SENP7: variants seen among roughly 807,000 people sequenced by gnomAD.
SENP7 encodes the protein sentrin-specific protease 7.
Under a neutral mutation model 141.2 loss-of-function variants are expected in SENP7, and 64 were observed. The observed-to-expected ratio is 0.45, with a 90% CI of 0.37 to 0.56. The LOEUF (loss-of-function observed/expected upper bound fraction) is 0.56. Among genes scored for constraint, SENP7 ranks in the 20% least tolerant of loss-of-function variants. The pLI is 0.00. For synonymous variants in SENP7, 382 were observed against 426.4 expected (o/e 0.90, Z 1.28); for missense variants, 1,025 against 1,212.2 (o/e 0.85, Z 2.29).
intron 3 of SENP7, among the ~76,000 whole-genome samples, chr3:101,462,418 A>G (rs111826021): frequency 0.073 from 11,055 of 151,848 alleles, 563 homozygotes; most frequent in Non-Finnish European, 0.11. Flanking sequence ...GCACATGCCT[A>G]TAATCCCAGC....
intron 11 of SENP7, 148 bp downstream of exon 11, chr3:101,361,567 A>T: frequency 1.3e-6 from 1 of 749,510 alleles, no homozygotes; most frequent in Non-Finnish European, 1.9e-6. Context: ...ATTTCAAATT[A>T]GGTATAATGA....
exon 1 of SENP7, chr3:101,513,208 GAAAGGAAAAAAAAA>G: frequency 5.7e-5 from 15 of 261,564 alleles, no homozygotes; most frequent in South Asian, 1.3e-4. Context: ...AGGGGGAGGG[GAAAGGAAAAAAAAA>G]AAAAAAAAAA....
intron 3 of SENP7, among the ~76,000 whole-genome samples, chr3:101,470,264 C>T (rs553335514): frequency 1.9e-4 from 29 of 151,738 alleles, no homozygotes; most frequent in African/African-American, 5.1e-4. Context: ...CAAGGAGATT[C>T]GGCAAACCGA....
At chr3:101,355,697 CT>C (rs954477040) in intron 11 of SENP7, among the ~76,000 whole-genome samples, 9 of 151,776 alleles carry the variant, frequency 5.9e-5, no homozygotes, top group East Asian at 1.9e-4. Context: ...AATCAGGCCT[CT>C]TTTTTTTGGC....
chr3:101,364,944 C>G lies in SENP7; in HGVS notation c.1366G>C (p.Glu456Gln), dbSNP rs2059996757. 6.3e-7 allele frequency: 1 copy of G among 1,590,042 alleles called. No individual in the cohort carries two copies. ...EEGPVEHKSSEILKLQSKQDR... is the reference protein window; with the variant it reads ...EEGPVEHKSSQILKLQSKQDR... ...TGCTTAGATTGTAACTTAAGAATTTCTGAACTTTTATGTTCAACAGGTCCT... is the reference window on the plus strand; with the variant it reads ...TGCTTAGATTGTAACTTAAGAATTTGTGAACTTTTATGTTCAACAGGTCCT... The change falls in exon 10 of 24, where the codon GAA becomes CAA. Residue 456 changes from glutamate to glutamine, a missense_variant. Coordinates refer to ENST00000394095, the MANE Select transcript of SENP7 (RefSeq NM_020654.5).
intron 3 of SENP7, 23 bp from the exon 4 acceptor site, chr3:101,459,075 TTAA>T (rs757805566): frequency 1.4e-6 from 2 of 1,380,658 alleles, no homozygotes; most frequent in South Asian, 2.5e-5. Context: ...AAATGAAATT[TTAA>T]TAATAAACAT....
At chr3:101,400,263 G>A (rs575577033) in intron 5 of SENP7, among the ~76,000 whole-genome samples, 2 of 152,232 alleles carry the variant, frequency 1.3e-5, no homozygotes, top group South Asian at 4.1e-4. Context: ...TATGCCACTA[G>A]CAATACTTTA....
chr3:101,332,877 G>A lies in SENP7; in HGVS notation c.2481-15C>T. ...TCTGTGCCATTCTGAGAGTATGAAA[G>A]ACAGATTTGATATATAAAAATTTTT... On this transcript the variant is annotated splice_polypyrimidine_tract_variant and intron_variant, in intron 17 of 23. Transcript: ENST00000394095. The A allele has an allele frequency of 6.4e-7, 1 of 1,569,230 alleles. No individual in the cohort carries two copies. The highest frequency in any genetic ancestry group is 8.6e-7 in the Non-Finnish European group (1 of 1,165,026).
intron 4 of SENP7, among the ~76,000 whole-genome samples, chr3:101,425,628 C>A (rs1229858569): frequency 6.6e-6 from 1 of 152,162 alleles, no homozygotes; most frequent in African/African-American, 2.4e-5. Flanking sequence ...AAGAACCGAA[C>A]CATCTCTCCA....
intron 3 of SENP7, among the ~76,000 whole-genome samples, chr3:101,462,186 A>G (rs896933485): frequency 6.6e-6 from 1 of 152,210 alleles, no homozygotes; most frequent in Admixed American, 6.5e-5. Context: ...TTTGTGTTGT[A>G]TGTATTTTGT....
chr3:101,326,991 A>G (rs1166976844), intron 23 of SENP7, among the ~76,000 whole-genome samples: 3 of 151,580 alleles, frequency 2.0e-5, no homozygotes, highest in African/African-American at 7.3e-5. Flanking sequence ...CTAATTTCAG[A>G]TATGTCATTA....
chr3:101,433,189 G>T (rs925616946), intron 4 of SENP7, among the ~76,000 whole-genome samples: 1 of 151,562 alleles, frequency 6.6e-6, no homozygotes, highest in Admixed American at 6.6e-5. Flanking sequence ...GTTGTTATCG[G>T]GTTAACATAA....
At chr3:101,348,088 T>A in intron 12 of SENP7, 37 bp from the exon 13 acceptor site, 1 of 1,457,914 alleles carries the variant, frequency 6.9e-7, no homozygotes, top group Non-Finnish European at 9.3e-7. Flanking sequence ...AAAAAATTAA[T>A]CCATTTAAGA....
chr3:101,446,941 TA>T (rs548680041), intron 4 of SENP7, among the ~76,000 whole-genome samples: 2 of 150,504 alleles, frequency 1.3e-5, no homozygotes, highest in Non-Finnish European at 3.0e-5. Flanking sequence ...AATGAAGACT[TA>T]AAAAAAATCA....
intron 1 of SENP7, among the ~76,000 whole-genome samples, chr3:101,503,910 C>T (rs1252222542): frequency 6.6e-6 from 1 of 151,548 alleles, no homozygotes. Context: ...GGCACCACTG[C>T]ACTCCAGCCT....
intron 17 of SENP7, 102 bp downstream of exon 17, chr3:101,337,407 A>G: frequency 2.7e-6 from 2 of 754,644 alleles, no homozygotes; most frequent in Non-Finnish European, 4.1e-6. Flanking sequence ...AAATGGTAGT[A>G]CTGCCTACTT....
intron 3 of SENP7, among the ~76,000 whole-genome samples, chr3:101,482,907 A>G (rs2064557828): frequency 6.6e-6 from 1 of 152,216 alleles, no homozygotes; most frequent in African/African-American, 2.4e-5. Flanking sequence ...ACCATCTCAC[A>G]CCAGTCAGAA....
At chr3:101,505,943 A>T (rs548754452) in intron 1 of SENP7, among the ~76,000 whole-genome samples, 4 of 152,160 alleles carry the variant, frequency 2.6e-5, no homozygotes, top group Admixed American at 6.6e-5. Context: ...AATCTCTCCA[A>T]TTACTCTCAT....
chr3:101,404,264 T>C (rs373247836), intron 5 of SENP7, among the ~76,000 whole-genome samples: 1 of 152,022 alleles, frequency 6.6e-6, no homozygotes, highest in African/African-American at 2.4e-5. Context: ...GAAGTAATAC[T>C]ACACACCTAC....
Sources: gnomAD v4.1 joint callset for allele counts (sites outside exome capture counted in the v4.1 genomes callset) on GRCh38, gnomAD v4.1.1 for gene constraint, MANE v1.5 for transcripts, NCBI Gene and HGNC (gene_info 2026-07-23, HGNC 2026-07-21) for gene names.